ADGRL2: variants seen among roughly 807,000 people sequenced by gnomAD.
The protein encoded by ADGRL2 is adhesion G protein-coupled receptor L2, also known as calcium-independent alpha-latrotoxin receptor 2.
Under a neutral mutation model 157.4 loss-of-function variants are expected in ADGRL2, and 44 were observed. The observed-to-expected ratio is 0.28, with a 90% confidence interval of 0.22 to 0.36. ADGRL2 has a LOEUF of 0.36. ADGRL2 is among the 10% of genes least tolerant of loss of function. ADGRL2 has a pLI of 1.00. For synonymous variants in ADGRL2, 585 were observed against 624.7 expected, an observed-to-expected ratio of 0.94 and a Z score of 0.95; for missense variants, 1,510 against 1,768.9, an observed-to-expected ratio of 0.85 and a Z score of 2.63.
intron 3 of ADGRL2, among the ~76,000 whole-genome samples, chr1:81,608,431 A>G (rs2081476549): frequency 6.6e-6 from 1 of 152,192 alleles, no homozygotes; most frequent in Admixed American, 6.5e-5. Flanking sequence ...ATACTTTGCT[A>G]AAGTCTTTAG....
chr1:81,957,373 T>G (rs988871909), intron 11 of ADGRL2, among the ~76,000 whole-genome samples: 2 of 152,176 alleles, frequency 1.3e-5, no homozygotes, highest in Non-Finnish European at 2.9e-5. Context: ...GGAATACATT[T>G]TTTCTAGTAC....
At chr1:81,315,751 G>C (rs1402860627) in intron 1 of ADGRL2, among the ~76,000 whole-genome samples, 1 of 138,714 alleles carries the variant, frequency 7.2e-6, no homozygotes, top group Admixed American at 7.7e-5. Flanking sequence ...AATAAATGTA[G>C]CTAGTGATCG....
chr1:81,425,754 G>T (rs998698781), intron 1 of ADGRL2, among the ~76,000 whole-genome samples: 1 of 152,168 alleles, frequency 6.6e-6, no homozygotes, highest in Non-Finnish European at 1.5e-5. Flanking sequence ...GAGCAGGTAG[G>T]GGGGTCTGAG....
Position 81,837,038 on chromosome 1 carries a change from C to A in ADGRL2, c.54C>A (p.Ser18Arg). 6.3e-7 allele frequency: 1 copy of A among 1,588,988 alleles called. No homozygotes were observed. Among genetic ancestry groups the A allele is most frequent in the Non-Finnish European group, 8.6e-7 (1 of 1,168,678 alleles). Residue 18 changes from serine (S) to arginine (R), a missense_variant, in exon 2 of 24, where the codon AGC becomes AGA. Transcript: ENST00000686636. ...MRSLWFIIVI[S>R]FLPNTEGFSR... Reference sequence around the variant, plus strand: ...GTCTGTGGTTTATCATTGTAATCAGCTTCTTACCAAATACAGAAGGTAAGA... The same window carrying A: ...GTCTGTGGTTTATCATTGTAATCAGATTCTTACCAAATACAGAAGGTAAGA...
intron 1 of ADGRL2, among the ~76,000 whole-genome samples, chr1:81,389,120 T>A (rs1005661065): frequency 6.6e-6 from 1 of 152,156 alleles, no homozygotes; most frequent in African/African-American, 2.4e-5. Context: ...TTGTCATCCC[T>A]TAGATGTGCT....
chr1:81,639,843 A>C (rs934979239), intron 3 of ADGRL2, among the ~76,000 whole-genome samples: 1 of 152,154 alleles, frequency 6.6e-6, no homozygotes, highest in Non-Finnish European at 1.5e-5. Context: ...ATTTATACTC[A>C]CTTTAATTTA....
intron 1 of ADGRL2, among the ~76,000 whole-genome samples, chr1:81,367,780 G>C (rs1389199755): frequency 6.6e-6 from 1 of 152,154 alleles, no homozygotes; most frequent in Non-Finnish European, 1.5e-5. Flanking sequence ...TCGAACTCCT[G>C]ACCTCAGGTG....
At chr1:81,732,297 A>G (rs374393766) in intron 1 of ADGRL2, among the ~76,000 whole-genome samples, 2 of 152,228 alleles carry the variant, frequency 1.3e-5, no homozygotes, top group Non-Finnish European at 2.9e-5. Flanking sequence ...CATCAGCTAC[A>G]TATCTCAACA....
intron 2 of ADGRL2, among the ~76,000 whole-genome samples, chr1:81,773,969 G>A (rs938650380): frequency 6.6e-6 from 1 of 152,168 alleles, no homozygotes; most frequent in Non-Finnish European, 1.5e-5. Flanking sequence ...CACACACAAA[G>A]GAACAACATG....
intron 1 of ADGRL2, among the ~76,000 whole-genome samples, chr1:81,704,401 C>G (rs973202836): frequency 2.0e-5 from 3 of 152,170 alleles, no homozygotes; most frequent in African/African-American, 7.2e-5. Context: ...CAGGGCATCC[C>G]CTGGGAGCGG....
intron 2 of ADGRL2, among the ~76,000 whole-genome samples, chr1:81,544,170 T>G (rs941226339): frequency 1.3e-5 from 2 of 152,162 alleles, no homozygotes; most frequent in Admixed American, 6.5e-5. Flanking sequence ...AAATAAGTAA[T>G]TTATTATGTT....
chr1:81,558,759 C>A (rs528805356), intron 2 of ADGRL2, among the ~76,000 whole-genome samples: 24 of 152,076 alleles, frequency 1.6e-4, no homozygotes, highest in Non-Finnish European at 2.4e-4. Context: ...CATTTCATAC[C>A]CCTTGATATC....
intron 1 of ADGRL2, among the ~76,000 whole-genome samples, chr1:81,805,262 A>G (rs189045812): frequency 1.4e-4 from 21 of 152,234 alleles, no homozygotes; most frequent in Admixed American, 1.2e-3. Context: ...GTTAGTTATC[A>G]AGTGCAGATG....
intron 1 of ADGRL2, among the ~76,000 whole-genome samples, chr1:81,399,669 T>C (rs1266785505): frequency 5.9e-5 from 9 of 152,186 alleles, no homozygotes; most frequent in African/African-American, 1.9e-4. Context: ...ACATTTCTTG[T>C]TCATACTATG....
At chr1:81,952,896 A>T (rs527473348) in intron 9 of ADGRL2, 91 bp from the exon 10 acceptor site, 6 of 1,019,752 alleles carry the variant, frequency 5.9e-6, no homozygotes, top group South Asian at 3.9e-5. Flanking sequence ...CGAGCTCTGG[A>T]ACACCAGCTT....
chr1:81,574,121 T>G (rs1322716820), intron 2 of ADGRL2, among the ~76,000 whole-genome samples: 1 of 152,112 alleles, frequency 6.6e-6, no homozygotes, highest in East Asian at 1.9e-4. Flanking sequence ...AAATGAATTT[T>G]TTTTTAAGTT....
chr1:81,802,512 GTC>G (rs1336771616), intron 1 of ADGRL2, among the ~76,000 whole-genome samples: 5 of 152,152 alleles, frequency 3.3e-5, no homozygotes, highest in Non-Finnish European at 7.3e-5. Flanking sequence ...CCAGGCATCA[GTC>G]TAGTTGCCGG....
At chr1:81,735,883 G>A (rs536967792) in intron 1 of ADGRL2, among the ~76,000 whole-genome samples, 2 of 151,878 alleles carry the variant, frequency 1.3e-5, no homozygotes, top group Non-Finnish European at 2.9e-5. Flanking sequence ...GGTGGCTTAC[G>A]CCTGTAATCC....
intron 17 of ADGRL2, among the ~76,000 whole-genome samples, chr1:81,974,746 CTG>C (rs140342881): frequency 0.046 from 7,013 of 152,142 alleles, 188 homozygotes; most frequent in East Asian, 0.094. Flanking sequence ...ATAAAACAAA[CTG>C]TGCACTCCTA....
Sources: allele counts gnomAD v4.1 joint callset (sites outside exome capture counted in the v4.1 genomes callset), GRCh38; gene constraint gnomAD v4.1.1; transcripts MANE v1.5; gene names NCBI Gene and HGNC (gene_info 2026-07-23, HGNC 2026-07-21).